Variants in NCKAP5 observed in about 807,000 individuals in gnomAD.
NCKAP5 encodes the protein nck-associated protein 5.
In NCKAP5, 92 loss-of-function variants were observed where a neutral mutation model predicts 167.0. That is an observed-to-expected ratio of 0.55 (90% CI 0.47 to 0.66). NCKAP5 has a LOEUF of 0.66. NCKAP5 is among the 30% of genes least tolerant of loss of function. The probability of loss-of-function intolerance (pLI) is 0.00; values close to 1 mark genes in which losing one functional copy is unlikely to be tolerated. For synonymous variants in NCKAP5, 891 were observed against 877.4 expected, an observed-to-expected ratio of 1.02 and a Z score of -0.27; for missense variants, 2,378 against 2,315.0, an observed-to-expected ratio of 1.03 and a Z score of -0.56.
chr2:133,417,697 G>A (rs1689207600), intron 3 of NCKAP5, among the ~76,000 whole-genome samples: 1 of 151,102 alleles, frequency 6.6e-6, no homozygotes, highest in South Asian at 2.1e-4. Flanking sequence ...GTAGATCAAA[G>A]GATGGAACAA....
chr2:133,574,446 G>A, the NCKAP5 span, among the ~76,000 whole-genome samples: 2 of 152,156 alleles, frequency 1.3e-5, no homozygotes, highest in Admixed American at 6.5e-5. Flanking sequence ...TTGCCCAGAT[G>A]GCCAGCAGAG....
At chr2:133,199,546 G>T (rs1000729811) in intron 5 of NCKAP5, among the ~76,000 whole-genome samples, 3 of 151,888 alleles carry the variant, frequency 2.0e-5, no homozygotes, top group African/African-American at 7.2e-5. Context: ...AATTACACTG[G>T]CTAAAAATAA....
At chr2:132,957,756 T>C (rs368249100) in intron 8 of NCKAP5, among the ~76,000 whole-genome samples, 3 of 152,220 alleles carry the variant, frequency 2.0e-5, no homozygotes, top group African/African-American at 7.2e-5. Flanking sequence ...TTATCTGACC[T>C]GTCTTGTTTG....
At chr2:133,095,936 C>T (rs1032372287) in intron 6 of NCKAP5, among the ~76,000 whole-genome samples, 19 of 152,066 alleles carry the variant, frequency 1.2e-4, no homozygotes, top group South Asian at 6.2e-4. Context: ...TTTGTACACA[C>T]GGTGGACACA....
At chr2:132,681,689 C>A (rs1685254621) in intron 19 of NCKAP5, among the ~76,000 whole-genome samples, 1 of 152,124 alleles carries the variant, frequency 6.6e-6, no homozygotes, top group African/African-American at 2.4e-5. Context: ...GGGTGGACAT[C>A]ATAGAATTAT....
rs757445603 is a variant in NCKAP5 at position 133,294,422 on chromosome 2, TC to T, written c.143+8614del. Among the ~76,000 whole-genome samples the T allele has an allele frequency of 4.6e-5, 7 of 152,348 alleles. 2 individuals carry two copies. The highest frequency in any genetic ancestry group is 1.3e-4 in the Admixed American group (2 of 15,294). ...ATCTTCAAGAGGCTCTGGGCCTGAC[TC>T]TTCTCAGAGAGCATGTCGGCTTTTT... On this transcript the variant is annotated intron_variant, in intron 4 of 19. Transcript: ENST00000409261.
intron 3 of NCKAP5, among the ~76,000 whole-genome samples, chr2:133,506,088 C>G (rs1682979290): frequency 6.6e-6 from 1 of 152,192 alleles, no homozygotes; most frequent in Admixed American, 6.5e-5. Flanking sequence ...TTACGCAGTT[C>G]TAATGCAGTG....
chr2:132,870,165 C>G (rs750054553), intron 9 of NCKAP5, among the ~76,000 whole-genome samples: 1 of 152,108 alleles, frequency 6.6e-6, no homozygotes, highest in East Asian at 1.9e-4. Flanking sequence ...AAATACCTGG[C>G]ATTTTCTCCA....
At chr2:133,017,178 T>G (rs78657011) in intron 6 of NCKAP5, among the ~76,000 whole-genome samples, 1 of 152,230 alleles carries the variant, frequency 6.6e-6, no homozygotes, top group Non-Finnish European at 1.5e-5. Flanking sequence ...TCTGCTAATG[T>G]CTCATGTCAA....
the NCKAP5 span, among the ~76,000 whole-genome samples, chr2:133,595,707 T>A: frequency 0.047 from 7,193 of 152,094 alleles, 317 homozygotes; most frequent in African/African-American, 0.12. Context: ...GGCTAGATGG[T>A]AAATATTTCA....
rs191016023 is a variant in NCKAP5, at chr2:132,696,077, T to G, written c.5714-22772A>C. Among the ~76,000 whole-genome samples, 462 of 152,324 alleles carry G rather than the reference T, an allele frequency of 3.0e-3. 2 individuals are homozygous for G. The highest frequency in any genetic ancestry group is 0.011 in the African/African-American group (450 of 41,570). On this transcript the variant is annotated intron_variant, in intron 19 of 19. Coordinates refer to ENST00000409261, the MANE Select transcript of NCKAP5 (RefSeq NM_207363.3). ...CTCAGTGAAATTAATTTGGAATAAA[T>G]GTGATGGTGCATATACTTATTTTAA...
the NCKAP5 span, among the ~76,000 whole-genome samples, chr2:133,632,831 G>A: frequency 6.6e-6 from 1 of 152,216 alleles, no homozygotes; most frequent in African/African-American, 2.4e-5. Context: ...ACTGTGAAGA[G>A]GCCAAAAGTG....
chr2:133,521,100 G>A (rs72990476), intron 2 of NCKAP5, among the ~76,000 whole-genome samples: 15,605 of 152,178 alleles, frequency 0.1, 1,344 homozygotes, highest in African/African-American at 0.23. Flanking sequence ...GATTAACAAT[G>A]AAAATATCAG....
intron 13 of NCKAP5, among the ~76,000 whole-genome samples, chr2:132,788,080 A>G (rs1187622731): frequency 1.3e-5 from 2 of 152,180 alleles, no homozygotes; most frequent in East Asian, 1.9e-4. Context: ...AGGTTATAGT[A>G]TCTAACAACT....
chr2:133,477,307 T>C (rs1373479090), intron 3 of NCKAP5, among the ~76,000 whole-genome samples: 1 of 152,246 alleles, frequency 6.6e-6, no homozygotes, highest in Admixed American at 6.5e-5. Flanking sequence ...GAACTCTGAC[T>C]ATTGCTTTCA....
chr2:133,150,983 A>G lies in NCKAP5; in HGVS notation c.208-20872T>C, dbSNP rs552366479. 3.9e-5 allele frequency among the ~76,000 whole-genome samples: 6 copies of G among 152,324 alleles called. No homozygotes were observed. In the South Asian group the frequency reaches 1.2e-3, roughly 32 times the overall value. On this transcript the variant is annotated intron_variant, in intron 5 of 19. Coordinates refer to ENST00000409261, the MANE Select transcript of NCKAP5 (RefSeq NM_207363.3). ...TAAATACTGCATGATCTCACTTTAT[A>G]TTAAAGAGAAACAGGCAAAGGTAAT...
At chr2:133,183,858 A>G (rs2084833982) in intron 5 of NCKAP5, among the ~76,000 whole-genome samples, 1 of 152,302 alleles carries the variant, frequency 6.6e-6, no homozygotes, top group East Asian at 1.9e-4. Flanking sequence ...ATTAATAACT[A>G]TATCTCACAG....
chr2:133,175,199 GTT>G (rs1313504357), intron 5 of NCKAP5, among the ~76,000 whole-genome samples: 1 of 152,098 alleles, frequency 6.6e-6, no homozygotes, highest in East Asian at 1.9e-4. Context: ...CCATAATTGG[GTT>G]TTTCTATTGG....
At chr2:133,041,528 G>A (rs2079217563) in intron 6 of NCKAP5, among the ~76,000 whole-genome samples, 3 of 152,094 alleles carry the variant, frequency 2.0e-5, no homozygotes, top group African/African-American at 7.2e-5. Flanking sequence ...ATTTATACAA[G>A]AGAAATATGT....
Sources: allele counts gnomAD v4.1 joint callset (sites outside exome capture counted in the v4.1 genomes callset), GRCh38; gene constraint gnomAD v4.1.1; transcripts MANE v1.5; gene names NCBI Gene and HGNC (gene_info 2026-07-23, HGNC 2026-07-21).